PTPRG: variants seen among roughly 807,000 people sequenced by gnomAD.
PTPRG encodes the protein protein tyrosine phosphatase receptor type G, also known as receptor-type tyrosine-protein phosphatase gamma.
PTPRG carries 102 observed loss-of-function variants against 165.3 expected under a neutral mutation model. That is an observed-to-expected ratio of 0.62 (90% CI 0.53 to 0.73). The LOEUF (loss-of-function observed/expected upper bound fraction) is 0.73, where lower values mean the gene tolerates loss of function less well. PTPRG is among the 30% of genes least tolerant of loss of function. The pLI is 0.00. For missense variants in PTPRG, 1,866 were observed against 1,861.4 expected (o/e 1.00, Z -0.05); for synonymous variants, 675 against 669.5 (o/e 1.01, Z -0.13).
At chr3:61,881,580 T>C (rs531804086) in intron 2 of PTPRG, among the ~76,000 whole-genome samples, 1 of 152,228 alleles carries the variant, frequency 6.6e-6, no homozygotes, top group South Asian at 2.1e-4. Context: ...GCCATTTGGG[T>C]TTTCCATGAG....
chr3:61,940,518 T>G (rs1014918663), intron 2 of PTPRG, among the ~76,000 whole-genome samples: 4 of 152,326 alleles, frequency 2.6e-5, no homozygotes, highest in African/African-American at 9.6e-5. Flanking sequence ...CCTGGTTGTT[T>G]TTGCATCTGA....
intron 2 of PTPRG, among the ~76,000 whole-genome samples, chr3:61,843,235 A>G (rs2107338129): frequency 6.6e-6 from 1 of 152,342 alleles, no homozygotes; most frequent in East Asian, 1.9e-4. Context: ...CATCAGAAAT[A>G]ACTTGAAAAA....
intron 1 of PTPRG, among the ~76,000 whole-genome samples, chr3:61,621,051 A>ATATATATATATATATATGTGTGTG: frequency 1.6e-4 from 19 of 117,970 alleles, no homozygotes; most frequent in African/African-American, 8.9e-5. Context: ...ATATATATAT[A>ATATATATATATATATATGTGTGTG]TGTGTGTGTG....
chr3:62,241,430 C>G (rs1042166526), intron 14 of PTPRG, among the ~76,000 whole-genome samples: 3 of 152,200 alleles, frequency 2.0e-5, no homozygotes, highest in Non-Finnish European at 2.9e-5. Flanking sequence ...CTTTGTCCCC[C>G]AGGTTTCTGA....
chr3:62,091,169 T>C (rs1018426748), intron 5 of PTPRG, among the ~76,000 whole-genome samples: 2 of 152,240 alleles, frequency 1.3e-5, no homozygotes, highest in African/African-American at 4.8e-5. Context: ...CCAGGACATA[T>C]ATCGCTTCAG....
intron 2 of PTPRG, among the ~76,000 whole-genome samples, chr3:61,775,836 C>A (rs1330669091): frequency 6.9e-6 from 1 of 144,648 alleles, no homozygotes; most frequent in Admixed American, 7.4e-5. Context: ...GACAAAAAAC[C>A]AAACACTGCA....
chr3:61,984,625 C>T (rs1018045367), intron 2 of PTPRG, among the ~76,000 whole-genome samples: 8 of 152,158 alleles, frequency 5.3e-5, no homozygotes, highest in Non-Finnish European at 1.2e-4. Flanking sequence ...GTCAGAGTAG[C>T]CACAAAAGAA....
chr3:62,040,700 C>A (rs1454951019), intron 4 of PTPRG, among the ~76,000 whole-genome samples: 1 of 152,136 alleles, frequency 6.6e-6, no homozygotes, highest in Non-Finnish European at 1.5e-5. Context: ...CCTTGGCCTT[C>A]CAGAGTGCTT....
chr3:61,868,200 C>G (rs2037463352), intron 2 of PTPRG, among the ~76,000 whole-genome samples: 2 of 152,190 alleles, frequency 1.3e-5, no homozygotes, highest in African/African-American at 4.8e-5. Context: ...CTCTTGTCAT[C>G]CTCACAACAG....
chr3:62,101,649 T>A (rs534091315), intron 5 of PTPRG, among the ~76,000 whole-genome samples: 2 of 152,352 alleles, frequency 1.3e-5, no homozygotes, highest in Non-Finnish European at 2.9e-5. Flanking sequence ...TTCATCGTTA[T>A]CCTCATGTAG....
At chr3:61,931,545 C>T (rs764688922) in intron 2 of PTPRG, among the ~76,000 whole-genome samples, 2 of 152,114 alleles carry the variant, frequency 1.3e-5, no homozygotes, top group South Asian at 2.1e-4. Flanking sequence ...CTGTGTGTCC[C>T]GGGCCCAAAT....
chr3:61,588,381 A>ATT (rs1295767197), intron 1 of PTPRG, among the ~76,000 whole-genome samples: 140 of 146,726 alleles, frequency 9.5e-4, no homozygotes, highest in African/African-American at 3.3e-3. Context: ...TTTAAGGATA[A>ATT]TTTTTTTTTT....
chr3:61,937,835 T>A (rs1038850688), intron 2 of PTPRG, among the ~76,000 whole-genome samples: 4 of 152,192 alleles, frequency 2.6e-5, no homozygotes, highest in African/African-American at 9.7e-5. Flanking sequence ...TAAAATTATC[T>A]ATTAAGCACA....
At chr3:61,841,171 G>A (rs1378041601) in intron 2 of PTPRG, among the ~76,000 whole-genome samples, 1 of 152,082 alleles carries the variant, frequency 6.6e-6, no homozygotes, top group African/African-American at 2.4e-5. Context: ...TATATATTGG[G>A]ACCGTTATAG....
intron 5 of PTPRG, among the ~76,000 whole-genome samples, chr3:62,093,009 A>G (rs983653173): frequency 6.6e-6 from 1 of 152,194 alleles, no homozygotes. Context: ...TTCCTCAATC[A>G]TGGCTCCACA....
intron 2 of PTPRG, among the ~76,000 whole-genome samples, chr3:61,862,727 A>G (rs921066234): frequency 6.6e-6 from 1 of 152,146 alleles, no homozygotes; most frequent in Non-Finnish European, 1.5e-5. Context: ...GTAGCTGCAT[A>G]CAGTTCCCTT....
intron 1 of PTPRG, among the ~76,000 whole-genome samples, chr3:61,738,151 G>A (rs2032794308): frequency 6.7e-6 from 1 of 149,278 alleles, no homozygotes; most frequent in South Asian, 2.1e-4. Flanking sequence ...ACCCGCCTCG[G>A]CCTCCCAAAG....
chr3:61,870,317 C>CTTTTT lies in PTPRG; in HGVS notation c.191-119297_191-119293dup, dbSNP rs10642619. ...CCATTGTCAACTAGGAAAAATTATT[C>CTTTTT]TTTTTTTTTTTTTTTGGAGACGGAG... On this transcript the variant is annotated intron_variant, in intron 2 of 29. Coordinates refer to ENST00000474889, the MANE Select transcript of PTPRG (RefSeq NM_002841.4). 5.1e-4 allele frequency among the ~76,000 whole-genome samples: 70 copies of CTTTTT among 136,360 alleles called. 1 individual carries two copies. The highest frequency in any genetic ancestry group is 1.7e-3 in the African/African-American group (63 of 36,350). 89.5% of individuals were successfully genotyped at this position (136,360 alleles called of 152,430 possible).
intron 2 of PTPRG, among the ~76,000 whole-genome samples, chr3:61,820,126 A>G (rs1302820027): frequency 6.6e-6 from 1 of 152,140 alleles, no homozygotes; most frequent in Non-Finnish European, 1.5e-5. Context: ...AGAGGAGCAG[A>G]AAAAAGGAGA....
Sources: allele counts gnomAD v4.1 joint callset (sites outside exome capture counted in the v4.1 genomes callset), GRCh38; gene constraint gnomAD v4.1.1; transcripts MANE v1.5; gene names NCBI Gene and HGNC (gene_info 2026-07-23, HGNC 2026-07-21).